The following COL11A2 variants were observed in gnomAD, a reference collection of about 807,000 sequenced individuals.
COL11A2 encodes collagen alpha-2(XI) chain.
A neutral mutation model predicts 273.4 loss-of-function variants in COL11A2; 116 were observed. The observed-to-expected ratio is 0.42, with a 90% CI of 0.36 to 0.49. The LOEUF is 0.49. COL11A2 is among the 20% of genes least tolerant of loss of function. The pLI, the probability that COL11A2 is intolerant of heterozygous loss-of-function variation, is 0.00. For synonymous variants in COL11A2, 782 were observed against 864.2 expected, an observed-to-expected ratio of 0.90 and a Z score of 1.67; for missense variants, 1,866 against 2,309.0, an observed-to-expected ratio of 0.81 and a Z score of 3.93.
rs780537895 is a variant in COL11A2, at chr6:33,175,619, AGTGC to A, written c.2327_2330del (p.Arg776LeufsTer37). Reference sequence around the variant, plus strand: ...GGGGCCCAGGGTCTCCAGTCGGTCCAGTGCGTCCCTTTGGCCCCTCAGGACCATC... The same window carrying A: ...GGGGCCCAGGGTCTCCAGTCGGTCCAGTCCCTTTGGCCCCTCAGGACCATC... On this transcript the variant is annotated frameshift_variant, in exon 30 of 66. Transcript: ENST00000341947. LOFTEE classifies it high-confidence loss of function. 2 of 1,612,928 alleles carry A rather than the reference AGTGC, an allele frequency of 1.2e-6. No homozygotes were observed. Among genetic ancestry groups the A allele is most frequent in the Non-Finnish European group, 8.5e-7 (1 of 1,179,994 alleles).
At chr6:33,184,932 G>A in intron 7 of COL11A2, 60 bp downstream of exon 7, 3 of 1,395,440 alleles carry the variant, frequency 2.1e-6, no homozygotes, top group South Asian at 1.2e-5. Context: ...ATGGGCTGAG[G>A]GGAGTGAGTC....
chr6:33,166,495 AAC>A lies in COL11A2; in HGVS notation c.4392+16_4392+17del. On this transcript the variant is annotated intron_variant, in intron 60 of 65. Coordinates refer to ENST00000341947, the MANE Select transcript of COL11A2 (RefSeq NM_080680.3). The surrounding 1 kb of genome is among the most constrained non-coding windows in gnomAD (Gnocchi z 4.8). Reference sequence around the variant, plus strand: ...AGGGGTTTAGGGGATTTTGTGGAGGAACAGAGGCAGTACTCACGGGGAGGCCG... The same window carrying A: ...AGGGGTTTAGGGGATTTTGTGGAGGAAGAGGCAGTACTCACGGGGAGGCCG... The A allele has an allele frequency of 6.2e-7, 1 of 1,612,226 alleles. No homozygotes were observed. Among genetic ancestry groups the A allele is most frequent in the Non-Finnish European group, 8.5e-7 (1 of 1,179,042 alleles).
Position 33,172,365 on chromosome 6 carries a change from G to A in COL11A2, c.2912C>T (p.Pro971Leu), listed in dbSNP as rs1220344981. 3 of 1,587,100 alleles carry A rather than the reference G, an allele frequency of 1.9e-6. No individual in the cohort carries two copies. The highest frequency in any genetic ancestry group is 2.6e-6 in the Non-Finnish European group (3 of 1,167,336). The change falls in exon 40 of 66, where the codon CCC becomes CTC. Residue 971 changes from proline (P) to leucine (L), a missense_variant. Transcript: ENST00000341947. ...ACCATCCTTCCCTGGGGCCCCAGGG[G>A]GACCAGGGTCACCCTAAAAGGAAAG... ...GKEGTKGDPG[P>L]PGAPGKDGPA...
At position 33,176,134 on chromosome 6, in the gene COL11A2, T is replaced by C; in HGVS notation, c.2215-65A>G. 6 of 1,609,986 alleles carry C rather than the reference T, an allele frequency of 3.7e-6. No homozygotes were observed. The highest frequency in any genetic ancestry group is 3.4e-6 in the Non-Finnish European group (4 of 1,177,304). ...AGGGCTGGGGTTCTAATGGGAATTC[T>C]GAGAACATAGGTGGAAGCAGGGGCT... On this transcript the variant is annotated intron_variant, in intron 28 of 65. Coordinates refer to ENST00000341947, the MANE Select transcript of COL11A2 (RefSeq NM_080680.3). The surrounding 1 kb of genome is among the most constrained non-coding windows in gnomAD (Gnocchi z 4.9).
In COL11A2 at chr6:33,190,863, G is replaced by A. The variant is rs1031790184; in HGVS notation, c.82+1296C>T. On this transcript the variant is annotated intron_variant, in intron 1 of 65. Coordinates refer to ENST00000341947, the MANE Select transcript of COL11A2 (RefSeq NM_080680.3). The surrounding 1 kb of genome is among the most constrained non-coding windows in gnomAD (Gnocchi z 4.5). Reference sequence around the variant, plus strand: ...ACCAAATCCCAAGGGAGTACAATTCGATCATATGGACAACCTACCCACAGG... The same window carrying A: ...ACCAAATCCCAAGGGAGTACAATTCAATCATATGGACAACCTACCCACAGG... Among the ~76,000 whole-genome samples, 4 of 151,908 alleles carry A rather than the reference G, an allele frequency of 2.6e-5. No individual in the cohort carries two copies. Among genetic ancestry groups the A allele is most frequent in the African/African-American group, 4.8e-5 (2 of 41,318 alleles).
In COL11A2 at chr6:33,164,218, C is replaced by G; in HGVS notation, c.5070+49G>C. On this transcript the variant is annotated intron_variant, in intron 65 of 65. Coordinates refer to ENST00000341947, the MANE Select transcript of COL11A2 (RefSeq NM_080680.3). This position sits in a 1 kb window ranked among gnomAD's most constrained non-coding sequence, Gnocchi z 4.7. ...CAAGGGGTCTTCCCACCTCCTTCCT[C>G]CAGCCTGAGTCTGAGATCAGCCCCC... The G allele has an allele frequency of 1.9e-6, 3 of 1,604,908 alleles. No homozygotes were observed. The highest frequency in any genetic ancestry group is 2.6e-6 in the Non-Finnish European group (3 of 1,175,284).
In COL11A2 at chr6:33,169,855, C is replaced by G; in HGVS notation, c.3666G>C (p.Gly1222=). 1 of 1,614,140 alleles carries G rather than the reference C, an allele frequency of 6.2e-7. No individual in the cohort carries two copies. Among genetic ancestry groups the G allele is most frequent in the Non-Finnish European group, 8.5e-7 (1 of 1,180,002 alleles). ...KGEPGESGSP[G]IQGEPGVKGP... is the part of the protein sequence containing the mutation. ...CCTTGACACCTGGCTCGCCCTGGAT[C>G]CCTGGAGATCCTGACTCTCCTGGTT... The change falls in exon 50 of 66, where the codon GGG becomes GGC. Residue 1222 remains glycine (G), a synonymous_variant. Coordinates refer to ENST00000341947, the MANE Select transcript of COL11A2 (RefSeq NM_080680.3). This position sits in a 1 kb window ranked among gnomAD's most constrained non-coding sequence, Gnocchi z 5.5.
Position 33,176,102 on chromosome 6 carries a change from A to G in COL11A2, c.2215-33T>C. On this transcript the variant is annotated intron_variant, in intron 28 of 65. Transcript: ENST00000341947. The surrounding 1 kb of genome is among the most constrained non-coding windows in gnomAD (Gnocchi z 4.9). ...AGATAGAGGTGAGAGGGCACCACAGATGACAGAGGGCTGGGGTTCTAATGG... is the reference window on the plus strand; with the variant it reads ...AGATAGAGGTGAGAGGGCACCACAGGTGACAGAGGGCTGGGGTTCTAATGG... 6.2e-7 allele frequency: 1 copy of G among 1,612,636 alleles called. No individual in the cohort carries two copies.
Position 33,163,298 on chromosome 6 carries a change from T to G in COL11A2, c.*380A>C. The G allele has an allele frequency of 5.5e-5, 13 of 238,518 alleles. No homozygotes were observed. The highest frequency in any genetic ancestry group is 1.7e-4 in the East Asian group (2 of 11,430). 14.8% of individuals were successfully genotyped at this position (238,518 alleles called of 1,614,324 possible). A position where few individuals can be genotyped will look rare whatever the true frequency, so the allele number is the denominator to read the frequency against. ...AACATCTGCTGATTTTTGTTGGCGT[T>G]TCTCTTTTTTGTTATTTTGCTTTCC... On this transcript the variant is annotated 3_prime_UTR_variant, in exon 66 of 66. Transcript: ENST00000341947. This position sits in a 1 kb window ranked among gnomAD's most constrained non-coding sequence, Gnocchi z 4.1.
At position 33,178,006 on chromosome 6, in the gene COL11A2, A is replaced by AGG; in HGVS notation, c.1872+124_1872+125dup. 2 of 1,043,338 alleles carry AGG rather than the reference A, an allele frequency of 1.9e-6. No homozygotes were observed. Among genetic ancestry groups the AGG allele is most frequent in the Non-Finnish European group, 2.9e-6 (2 of 697,380 alleles). The allele number at this position is 1,043,338 out of a possible 1,614,324, so 64.6% of individuals were successfully genotyped here. On this transcript the variant is annotated intron_variant, in intron 21 of 65. Coordinates refer to ENST00000341947, the MANE Select transcript of COL11A2 (RefSeq NM_080680.3). The surrounding 1 kb of genome is among the most constrained non-coding windows in gnomAD (Gnocchi z 4.6). ...AGGCAGGGCAGTGTGGGGCCAGAGCAGGGGGAGCTCACAGGGAATGGGAAG... is the reference window on the plus strand; with the variant it reads ...AGGCAGGGCAGTGTGGGGCCAGAGCAGGGGGGGAGCTCACAGGGAATGGGAAG...
rs9280359 is a variant in COL11A2, at chr6:33,174,235, AG to A, written c.2431-18del. The A allele has an allele frequency of 0.17, 268,084 of 1,557,218 alleles. 24,161 individuals carry two copies. Among genetic ancestry groups the A allele is most frequent in the African/African-American group, 0.27 (19,698 of 73,078 alleles). Reference sequence around the variant, plus strand: ...TAGGGACCCCTGGTGAGAACGGAGAAGGGGGGAAATTGAGAAGTTATGAAAG... The same window carrying A: ...TAGGGACCCCTGGTGAGAACGGAGAAGGGGGAAATTGAGAAGTTATGAAAG... On this transcript the variant is annotated intron_variant, in intron 31 of 65. Coordinates refer to ENST00000341947, the MANE Select transcript of COL11A2 (RefSeq NM_080680.3).
Position 33,165,898 on chromosome 6 carries a change from C to T in COL11A2, c.4482+33G>A, listed in dbSNP as rs370536116. On this transcript the variant is annotated intron_variant, in intron 62 of 65. Coordinates refer to ENST00000341947, the MANE Select transcript of COL11A2 (RefSeq NM_080680.3). The surrounding 1 kb of genome is among the most constrained non-coding windows in gnomAD (Gnocchi z 7.7). Reference sequence around the variant, plus strand: ...GTGGCAGCAGTGGAGCAGAGGGGTACGGCCCTGGGAGCAGCCCTGACTCCT... The same window carrying T: ...GTGGCAGCAGTGGAGCAGAGGGGTATGGCCCTGGGAGCAGCCCTGACTCCT... 28 of 1,613,392 alleles carry T rather than the reference C, an allele frequency of 1.7e-5. No individual in the cohort carries two copies. The highest frequency in any genetic ancestry group is 1.2e-4 in the Admixed American group (7 of 60,000).
chr6:33,171,380 G>A, intron 43 of COL11A2, 56 bp from the exon 44 acceptor site: 2 of 1,612,026 alleles, frequency 1.2e-6, no homozygotes, highest in South Asian at 2.2e-5. Context: ...GAGTGGGAAG[G>A]ATGACATGAC....
rs1768623281 is a variant in COL11A2, at chr6:33,163,439, C to G, written c.*239G>C. ...TGAGTTTTAAATAAGGGTCTCAGCTCTCTAACGGGTAACAGGCTCCAGGTG... is the reference window on the plus strand; with the variant it reads ...TGAGTTTTAAATAAGGGTCTCAGCTGTCTAACGGGTAACAGGCTCCAGGTG... On this transcript the variant is annotated 3_prime_UTR_variant, in exon 66 of 66. Coordinates refer to ENST00000341947, the MANE Select transcript of COL11A2 (RefSeq NM_080680.3). This position sits in a 1 kb window ranked among gnomAD's most constrained non-coding sequence, Gnocchi z 4.1. 1 of 605,292 alleles carries G rather than the reference C, an allele frequency of 1.7e-6. No individual in the cohort carries two copies. The highest frequency in any genetic ancestry group is 3.0e-5 in the Admixed American group (1 of 33,888). The allele number at this position is 605,292 out of a possible 1,614,324, so 37.5% of individuals were successfully genotyped here.
Position 33,163,465 on chromosome 6 carries a change from G to A in COL11A2, c.*213C>T. ...TCTAACGGGTAACAGGCTCCAGGTG[G>A]GAGGGCCAAGAGCCCCAGATGCCAC... is the stretch of plus-strand genomic sequence containing the variant. On this transcript the variant is annotated 3_prime_UTR_variant, in exon 66 of 66. Coordinates refer to ENST00000341947, the MANE Select transcript of COL11A2 (RefSeq NM_080680.3). This position sits in a 1 kb window ranked among gnomAD's most constrained non-coding sequence, Gnocchi z 4.1. The A allele has an allele frequency of 1.6e-6, 1 of 639,346 alleles. No homozygotes were observed. 39.6% of individuals were successfully genotyped at this position (639,346 alleles called of 1,614,324 possible).
At position 33,173,474 on chromosome 6, in the gene COL11A2, G is replaced by C; in HGVS notation, c.2682+28C>G. The C allele has an allele frequency of 6.2e-7, 1 of 1,612,480 alleles. No homozygotes were observed. Among genetic ancestry groups the C allele is most frequent in the East Asian group, 2.2e-5 (1 of 44,830 alleles). ...AGGGAAGAAGGACTCAGAGAAGCGA[G>C]GTGGGTCAGAGCTCGGGGTCAACTT... On this transcript the variant is annotated intron_variant, in intron 36 of 65. Coordinates refer to ENST00000341947, the MANE Select transcript of COL11A2 (RefSeq NM_080680.3). The surrounding 1 kb of genome is among the most constrained non-coding windows in gnomAD (Gnocchi z 6.3).
Position 33,166,322 on chromosome 6 carries a change from G to C in COL11A2, c.4393-116C>G. The C allele has an allele frequency of 4.4e-6, 6 of 1,379,100 alleles. No homozygotes were observed. The highest frequency in any genetic ancestry group is 6.0e-6 in the Non-Finnish European group (6 of 1,008,318). The allele number at this position is 1,379,100 out of a possible 1,614,324, so 85.4% of individuals were successfully genotyped here. On this transcript the variant is annotated intron_variant, in intron 60 of 65. Coordinates refer to ENST00000341947, the MANE Select transcript of COL11A2 (RefSeq NM_080680.3). This position sits in a 1 kb window ranked among gnomAD's most constrained non-coding sequence, Gnocchi z 4.8. ...GCCTCGGGTTACTACAGGAGGGGCAGTCTTGTGGGAATACTAGGACATTCA... is the reference window on the plus strand; with the variant it reads ...GCCTCGGGTTACTACAGGAGGGGCACTCTTGTGGGAATACTAGGACATTCA...
Position 33,173,865 on chromosome 6 carries a change from C to T in COL11A2, c.2583+8G>A. ...GGGGGCAGTTGGAGCCTTGTAGAGA[C>T]CATTCACCTTAGCTCCAGACTTCCC... On this transcript the variant is annotated splice_region_variant and intron_variant, in intron 34 of 65. Coordinates refer to ENST00000341947, the MANE Select transcript of COL11A2 (RefSeq NM_080680.3). This position sits in a 1 kb window ranked among gnomAD's most constrained non-coding sequence, Gnocchi z 6.3. The T allele has an allele frequency of 1.9e-6, 3 of 1,614,020 alleles. No homozygotes were observed. The highest frequency in any genetic ancestry group is 1.3e-5 in the African/African-American group (1 of 74,994).
At position 33,164,293 on chromosome 6, in the gene COL11A2, C is replaced by T. The variant is rs778248464; in HGVS notation, c.5044G>A (p.Val1682Ile). 1.9e-6 allele frequency: 3 copies of T among 1,612,868 alleles called. No individual in the cohort carries two copies. The African/African-American group carries it at 4.0e-5, about 22-fold the overall frequency. ...TGGCAGCCATCTCTGAATTCTTTGA[C>T]ATAGGGGCTAGTCTCCGGGCTCAGC... is the stretch of plus-strand genomic sequence containing the variant. ...DELSPETSPY[V>I]KEFRDGCQTQ... Residue 1682 changes from valine (V) to isoleucine (I), a missense_variant, in exon 65 of 66, where the codon GTC (valine) becomes ATC (isoleucine). Physicochemically the swap from Val to Ile is conservative, Grantham distance 29. Coordinates refer to ENST00000341947, the MANE Select transcript of COL11A2 (RefSeq NM_080680.3). The surrounding 1 kb of genome is among the most constrained non-coding windows in gnomAD (Gnocchi z 4.7).
Sources: allele counts gnomAD v4.1 joint callset (sites outside exome capture counted in the v4.1 genomes callset), GRCh38; gene constraint gnomAD v4.1.1; non-coding constraint Gnocchi (gnomAD v3.1); transcripts MANE v1.5; gene names NCBI Gene and HGNC (gene_info 2026-07-23, HGNC 2026-07-21).